The following ATP8B1 variants were observed in gnomAD, a reference collection of about 807,000 sequenced individuals.
ATP8B1 encodes ATPase phospholipid transporting 8B1.
A neutral mutation model predicts 149.9 loss-of-function variants in ATP8B1; 80 were observed. That is an observed-to-expected ratio of 0.53 (90% confidence interval 0.45 to 0.64). The LOEUF (loss-of-function observed/expected upper bound fraction) is 0.64. Ranked by LOEUF, ATP8B1 falls within the 30% of genes least tolerant of loss-of-function variation. ATP8B1 has a pLI of 0.00. For synonymous variants in ATP8B1, 536 were observed against 562.8 expected, an observed-to-expected ratio of 0.95 and a Z score of 0.67; for missense variants, 1,247 against 1,552.6, an observed-to-expected ratio of 0.80 and a Z score of 3.31.
At chr18:57,702,773 C>G (rs945586461) in intron 4 of ATP8B1, among the ~76,000 whole-genome samples, 9 of 151,246 alleles carry the variant, frequency 6.0e-5, no homozygotes, top group Admixed American at 2.0e-4. Context: ...AGGAGAATAG[C>G]TTGAACCTGG....
At chr18:57,705,961 A>C (rs754262183) in intron 3 of ATP8B1, among the ~76,000 whole-genome samples, 5 of 152,182 alleles carry the variant, frequency 3.3e-5, no homozygotes, top group African/African-American at 4.8e-5. Flanking sequence ...TCCTGGGCTC[A>C]AGCGATTCTC....
intron 19 of ATP8B1, chr18:57,668,041 A>G (rs1301371898): frequency 2.4e-6 from 3 of 1,246,982 alleles, no homozygotes; most frequent in Admixed American, 2.6e-5. Flanking sequence ...AAAATTGGCA[A>G]GAAAACCAAA....
At chr18:57,694,788 T>G (rs1912719962) in intron 10 of ATP8B1, 118 bp from the exon 11 acceptor site, 1 of 798,908 alleles carries the variant, frequency 1.3e-6, no homozygotes. Context: ...CCAGCAGTTT[T>G]GGAGGCTGAG....
At chr18:57,796,524 A>C (rs1345944250) in intron 1 of ATP8B1, among the ~76,000 whole-genome samples, 2 of 152,226 alleles carry the variant, frequency 1.3e-5, no homozygotes, top group African/African-American at 4.8e-5. Context: ...AGGTTGATAC[A>C]GCAGCTACTA....
At chr18:57,791,046 G>C (rs903545338) in intron 1 of ATP8B1, among the ~76,000 whole-genome samples, 1 of 152,046 alleles carries the variant, frequency 6.6e-6, no homozygotes, top group Non-Finnish European at 1.5e-5. Flanking sequence ...GTGATATTAA[G>C]TGCATCCACA....
At chr18:57,752,611 T>G (rs1435519399) in intron 1 of ATP8B1, among the ~76,000 whole-genome samples, 2 of 152,128 alleles carry the variant, frequency 1.3e-5, no homozygotes, top group East Asian at 3.9e-4. Flanking sequence ...ATTTCCCCCT[T>G]CGATAAAGCT....
chr18:57,714,117 C>A (rs746383510), intron 2 of ATP8B1, among the ~76,000 whole-genome samples: 4 of 152,172 alleles, frequency 2.6e-5, no homozygotes, highest in Non-Finnish European at 5.9e-5. Flanking sequence ...AGGCCATAGG[C>A]CTTTACCGAA....
At chr18:57,700,079 C>T (rs548771542) in intron 6 of ATP8B1, among the ~76,000 whole-genome samples, 1 of 152,304 alleles carries the variant, frequency 6.6e-6, no homozygotes, top group East Asian at 1.9e-4. Context: ...GAATTGCCTC[C>T]AATATTTCAG....
chr18:57,690,746 T>A (rs1457153033), intron 12 of ATP8B1, among the ~76,000 whole-genome samples: 1 of 152,216 alleles, frequency 6.6e-6, no homozygotes, highest in Non-Finnish European at 1.5e-5. Context: ...TAGGTGTGTA[T>A]GTGATTCCTA....
chr18:57,793,839 G>A (rs534826356), intron 1 of ATP8B1, among the ~76,000 whole-genome samples: 1 of 152,130 alleles, frequency 6.6e-6, no homozygotes, highest in Non-Finnish European at 1.5e-5. Context: ...CATTCTCTCG[G>A]TCCCAGTGAC....
chr18:57,738,761 G>A (rs1315809541), intron 1 of ATP8B1, among the ~76,000 whole-genome samples: 3 of 152,056 alleles, frequency 2.0e-5, no homozygotes, highest in Admixed American at 1.3e-4. Context: ...TGGAAATGCT[G>A]CGAGATCCCT....
intron 6 of ATP8B1, among the ~76,000 whole-genome samples, chr18:57,700,792 C>G (rs1913077173): frequency 6.6e-6 from 1 of 152,068 alleles, no homozygotes; most frequent in African/African-American, 2.4e-5. Context: ...GTGGTGCACG[C>G]CTGTAATCCC....
chr18:57,724,513 C>G (rs2123093250), intron 2 of ATP8B1, among the ~76,000 whole-genome samples: 1 of 152,284 alleles, frequency 6.6e-6, no homozygotes, highest in East Asian at 1.9e-4. Flanking sequence ...CTCATCATCA[C>G]TGGCCATCAG....
At chr18:57,780,568 G>C (rs1172146732) in intron 1 of ATP8B1, among the ~76,000 whole-genome samples, 2 of 152,122 alleles carry the variant, frequency 1.3e-5, no homozygotes, top group African/African-American at 2.4e-5. Context: ...AAAGGAAATC[G>C]TAACTACTTA....
intron 1 of ATP8B1, among the ~76,000 whole-genome samples, chr18:57,795,484 A>G (rs908646978): frequency 6.6e-6 from 1 of 152,242 alleles, no homozygotes; most frequent in Non-Finnish European, 1.5e-5. Flanking sequence ...GAATGGGTAA[A>G]CAAAATGTGG....
chr18:57,671,619 AT>A, intron 16 of ATP8B1, 39 bp from the exon 17 acceptor site: 2 of 1,379,912 alleles, frequency 1.4e-6, no homozygotes, highest in Non-Finnish European at 2.1e-6. Context: ...ACAAAGTTTG[AT>A]TTTTTATATA....
chr18:57,676,336 A>AT (rs1427975516), intron 15 of ATP8B1, among the ~76,000 whole-genome samples: 1 of 149,486 alleles, frequency 6.7e-6, no homozygotes, highest in Non-Finnish European at 1.5e-5. Flanking sequence ...TAATGTTTGT[A>AT]TTTTTTGTAG....
intron 1 of ATP8B1, among the ~76,000 whole-genome samples, chr18:57,754,825 G>C (rs1217481377): frequency 6.6e-6 from 1 of 152,148 alleles, no homozygotes; most frequent in Non-Finnish European, 1.5e-5. Context: ...AGTAGTGAGA[G>C]AGATATTAAA....
chr18:57,742,426 T>C (rs1366915465), intron 1 of ATP8B1, among the ~76,000 whole-genome samples: 1 of 152,164 alleles, frequency 6.6e-6, no homozygotes, highest in Non-Finnish European at 1.5e-5. Context: ...AGTATCACTG[T>C]GGTGGGGACA....
Sources: allele counts gnomAD v4.1 joint callset (sites outside exome capture counted in the v4.1 genomes callset), GRCh38; gene constraint gnomAD v4.1.1; transcripts MANE v1.5; gene names NCBI Gene and HGNC (gene_info 2026-07-23, HGNC 2026-07-21).